The following EAF2 variants were observed in gnomAD, a reference collection of about 807,000 sequenced individuals.
The protein encoded by EAF2 is ELL associated factor 2, also known as ELL-associated factor 2.
In EAF2, 29 loss-of-function variants were observed where a neutral mutation model predicts 29.4. The ratio of observed to expected loss-of-function variants is 0.99; its 90% CI spans 0.73 to 1.35. The LOEUF (loss-of-function observed/expected upper bound fraction) is 1.35, where lower values mean the gene tolerates loss of function less well. Among genes scored for constraint, EAF2 ranks in the 40% most tolerant of loss-of-function variants. The pLI is 0.00. For synonymous variants in EAF2, 103 were observed against 102.5 expected, an observed-to-expected ratio of 1.00 and a Z score of -0.03; for missense variants, 292 against 312.0, an observed-to-expected ratio of 0.94 and a Z score of 0.48.
At chr3:121,844,616 T>C in intron 2 of EAF2, 69 bp downstream of exon 2, 1 of 1,062,706 alleles carries the variant, frequency 9.4e-7, no homozygotes, top group African/African-American at 1.6e-5. Flanking sequence ...TGAAAATAAT[T>C]GCACAATTTG....
At chr3:121,874,144 G>A (rs967412137) in intron 5 of EAF2, among the ~76,000 whole-genome samples, 4 of 151,590 alleles carry the variant, frequency 2.6e-5, no homozygotes, top group Non-Finnish European at 5.9e-5. Context: ...TGGGGAGAAT[G>A]GAATTTTCTG....
At chr3:121,868,828 G>T (rs950973457) in intron 4 of EAF2, among the ~76,000 whole-genome samples, 1 of 152,104 alleles carries the variant, frequency 6.6e-6, no homozygotes, top group African/African-American at 2.4e-5. Flanking sequence ...ACAGAAAATC[G>T]ACACATACAT....
intron 2 of EAF2, among the ~76,000 whole-genome samples, chr3:121,846,740 A>G (rs1708536755): frequency 6.6e-6 from 1 of 151,308 alleles, no homozygotes; most frequent in East Asian, 1.9e-4. Context: ...TGCCAAGTAG[A>G]ATATTGTTTT....
rs374544365 is a variant in EAF2 at position 121,884,233 on chromosome 3, G to A, written c.737-2109G>A. Among the ~76,000 whole-genome samples, 167 of 150,838 alleles carry A rather than the reference G, an allele frequency of 1.1e-3. 2 individuals carry two copies. In the East Asian group the frequency reaches 0.026, roughly 24 times the overall value. On this transcript the variant is annotated intron_variant, in intron 5 of 5. Transcript: ENST00000273668. Reference sequence around the variant, plus strand: ...CGCATGCCTGTAATCCCAGCTACTCGGGAGGCTGAGGCAGGAGAATCACTT... The same window carrying A: ...CGCATGCCTGTAATCCCAGCTACTCAGGAGGCTGAGGCAGGAGAATCACTT...
At chr3:121,860,353 T>C (rs1289466032) in intron 4 of EAF2, among the ~76,000 whole-genome samples, 1 of 152,160 alleles carries the variant, frequency 6.6e-6, no homozygotes, top group African/African-American at 2.4e-5. Context: ...TCAGAGCCTG[T>C]ATTGGTCTAT....
chr3:121,873,998 G>C (rs1709058648), intron 5 of EAF2, among the ~76,000 whole-genome samples: 1 of 151,792 alleles, frequency 6.6e-6, no homozygotes, highest in African/African-American at 2.4e-5. Flanking sequence ...TTTCTCTAGA[G>C]TATAATGTTC....
At chr3:121,858,516 G>T (rs1377303661) in intron 4 of EAF2, among the ~76,000 whole-genome samples, 1 of 152,232 alleles carries the variant, frequency 6.6e-6, no homozygotes, top group Non-Finnish European at 1.5e-5. Context: ...TGATGGAGTC[G>T]TTTGTTTTTT....
At chr3:121,875,340 C>T (rs1709078457) in intron 5 of EAF2, among the ~76,000 whole-genome samples, 1 of 151,968 alleles carries the variant, frequency 6.6e-6, no homozygotes, top group African/African-American at 2.4e-5. Flanking sequence ...GGCATAGGGT[C>T]TGTAGAACCT....
At chr3:121,846,368 ATGT>A (rs1036426477) in intron 2 of EAF2, among the ~76,000 whole-genome samples, 2 of 152,200 alleles carry the variant, frequency 1.3e-5, no homozygotes, top group Non-Finnish European at 2.9e-5. Context: ...TTAGTATGAG[ATGT>A]TGTAGATAAG....
chr3:121,878,945 T>C (rs1709146929), intron 5 of EAF2, among the ~76,000 whole-genome samples: 1 of 152,118 alleles, frequency 6.6e-6, no homozygotes, highest in African/African-American at 2.4e-5. Context: ...TCTATATAGT[T>C]TTTTGAGGAC....
chr3:121,872,715 G>C lies in EAF2; in HGVS notation c.663G>C (p.Gln221His), dbSNP rs372997631. The change falls in exon 5 of 6, where the codon CAG (glutamine) becomes CAC (histidine). Residue 221 changes from glutamine to histidine, a missense_variant. Physicochemically the swap from Gln to His is conservative, Grantham distance 24. Transcript: ENST00000273668. The stretch of plus-strand genomic sequence containing the variant: ...TCTCAGGACATCCTACCATGACACA[G>C]TACAGGATTCCTGATATAGATGCCA... ...NCVSGHPTMT[Q>H]YRIPDIDASH... 1.2e-6 allele frequency: 2 copies of C among 1,612,662 alleles called. No homozygotes were observed. The highest frequency in any genetic ancestry group is 1.7e-6 in the Non-Finnish European group (2 of 1,179,172).
chr3:121,863,699 C>A (rs1431881152), intron 4 of EAF2, among the ~76,000 whole-genome samples: 1 of 152,094 alleles, frequency 6.6e-6, no homozygotes, highest in Non-Finnish European at 1.5e-5. Context: ...GTGGGCTGCA[C>A]CCACTGTCTA....
rs1247181400 is a variant in EAF2 at position 121,869,772 on chromosome 3, C to T, written c.485-2765C>T. Among the ~76,000 whole-genome samples the T allele has an allele frequency of 9.9e-5, 15 of 151,952 alleles. No individual in the cohort carries two copies. The East Asian group carries it at 2.7e-3, about 27-fold the overall frequency. On this transcript the variant is annotated intron_variant, in intron 4 of 5. Coordinates refer to ENST00000273668, the MANE Select transcript of EAF2 (RefSeq NM_018456.6). The stretch of plus-strand genomic sequence containing the variant: ...CGTGGTGGTGTGCACCTGAGTAGTC[C>T]CAGCTACTCAGGAGGCTGAGGTGAG...
chr3:121,882,626 A>T (rs1559832102), intron 5 of EAF2, among the ~76,000 whole-genome samples: 1 of 152,098 alleles, frequency 6.6e-6, no homozygotes, highest in Admixed American at 6.5e-5. Context: ...AATACTCTTA[A>T]TTTGTAGGAA....
intron 4 of EAF2, among the ~76,000 whole-genome samples, chr3:121,871,127 A>T (rs1008147822): frequency 8.6e-5 from 13 of 151,978 alleles, no homozygotes; most frequent in African/African-American, 3.1e-4. Flanking sequence ...AACAACCCAA[A>T]TATCCATAAG....
rs541451944 is a variant in EAF2, at chr3:121,857,982, C to A, written c.484+826C>A. On this transcript the variant is annotated intron_variant, in intron 4 of 5. Coordinates refer to ENST00000273668, the MANE Select transcript of EAF2 (RefSeq NM_018456.6). The stretch of plus-strand genomic sequence containing the variant: ...ATGGTTTCCAGCTTCATCCATGTCC[C>A]TACAAAGGACGTGAACACATCCTTT... Among the ~76,000 whole-genome samples the A allele has an allele frequency of 2.0e-5, 3 of 152,306 alleles. No individual in the cohort carries two copies. The East Asian group carries it at 5.8e-4, about 29-fold the overall frequency.
intron 2 of EAF2, 75 bp downstream of exon 2, chr3:121,844,622 A>G: frequency 2.0e-6 from 2 of 992,056 alleles, no homozygotes; most frequent in Non-Finnish European, 3.0e-6. Flanking sequence ...TAATTGCACA[A>G]TTTGTGTAGT....
At chr3:121,867,891 T>C (rs1708952395) in intron 4 of EAF2, among the ~76,000 whole-genome samples, 3 of 152,214 alleles carry the variant, frequency 2.0e-5, no homozygotes, top group Admixed American at 6.5e-5. Context: ...CAGGTATGTA[T>C]ATTGAAAAAC....
intron 5 of EAF2, among the ~76,000 whole-genome samples, chr3:121,878,034 A>G (rs1264841069): frequency 5.3e-5 from 8 of 152,176 alleles, no homozygotes; most frequent in Non-Finnish European, 1.0e-4. Context: ...GTACTAGAAA[A>G]ACAATAACAT....
Sources: allele counts gnomAD v4.1 joint callset (sites outside exome capture counted in the v4.1 genomes callset), GRCh38; gene constraint gnomAD v4.1.1; transcripts MANE v1.5; gene names NCBI Gene and HGNC (gene_info 2026-07-23, HGNC 2026-07-21).